Variants in CNGB1 observed in about 807,000 individuals in gnomAD.
CNGB1 encodes cyclic nucleotide gated channel subunit beta 1, also known as cyclic nucleotide-gated channel beta-1.
In CNGB1, 126 loss-of-function variants were observed where a neutral mutation model predicts 151.7. The observed-to-expected ratio is 0.83, with a 90% CI of 0.72 to 0.96. CNGB1 has a LOEUF of 0.96. Among genes scored for constraint, CNGB1 ranks in the 40% least tolerant of loss-of-function variants. The pLI is 0.00. For synonymous variants in CNGB1, 623 were observed against 635.1 expected, an observed-to-expected ratio of 0.98 and a Z score of 0.29; for missense variants, 1,698 against 1,627.0, an observed-to-expected ratio of 1.04 and a Z score of -0.75.
At chr16:57,936,804 A>T (rs1961522538) in intron 16 of CNGB1, among the ~76,000 whole-genome samples, 1 of 151,964 alleles carries the variant, frequency 6.6e-6, no homozygotes, top group Non-Finnish European at 1.5e-5. Context: ...ACAAACAAAA[A>T]AAAAACAAAA....
chr16:57,901,497 G>C (rs1444644669), intron 28 of CNGB1, 31 bp downstream of exon 28: 4 of 1,612,606 alleles, frequency 2.5e-6, no homozygotes, highest in Non-Finnish European at 3.4e-6. Context: ...GCCTCCCACA[G>C]CCCTGAGCGT....
chr16:57,927,922 A>G (rs1455236470), intron 17 of CNGB1, among the ~76,000 whole-genome samples: 1 of 152,202 alleles, frequency 6.6e-6, no homozygotes, highest in Non-Finnish European at 1.5e-5. Flanking sequence ...GGCTCAGTGA[A>G]ACTGTGTCTC....
Position 57,919,161 on chromosome 16 carries a change from C to G in CNGB1, c.1895G>C (p.Cys632Ser). 1 of 1,614,220 alleles carries G rather than the reference C, an allele frequency of 6.2e-7. No homozygotes were observed. The highest frequency in any genetic ancestry group is 8.5e-7 in the Non-Finnish European group (1 of 1,180,044). The change falls in exon 20 of 33, where the codon TGC (cysteine) becomes TCC (serine). Residue 632 changes from cysteine (C) to serine (S), a missense_variant. Physicochemically the swap from Cys to Ser is moderately radical, Grantham distance 112 (BLOSUM62 -1). Coordinates refer to ENST00000251102, the MANE Select transcript of CNGB1 (RefSeq NM_001297.5). ...CTTCCAGGGGCGGTGTTTGAACTTG[C>G]AGCAGAGCATGTCGCAATAGTGCTC... ...EEEHYCDMLCCKFKHRPWKKY... is the reference protein window; with the variant it reads ...EEEHYCDMLCSKFKHRPWKKY...
chr16:57,907,468 A>G (rs1198057904), intron 25 of CNGB1, among the ~76,000 whole-genome samples: 1 of 152,234 alleles, frequency 6.6e-6, no homozygotes, highest in East Asian at 1.9e-4. Context: ...TCCCCCTAAC[A>G]ATAGCCATAG....
At position 57,939,527 on chromosome 16, in the gene CNGB1, G is replaced by A. The variant is rs376016716; in HGVS notation, c.1275C>T (p.Ala425=). ...CAGCCTCCTCTTCAGCCACCTCCTC[G>A]GCCTCCTCCTTGGCCTTCTCTTCAG... is the stretch of plus-strand genomic sequence containing the variant. The part of the protein sequence containing the change: ...KEAEEKAKEE[A]EEVAEEEAEK... Residue 425 remains alanine, a synonymous_variant, in exon 16 of 33, where the codon GCC becomes GCT. Transcript: ENST00000251102. 36 of 1,613,834 alleles carry A rather than the reference G, an allele frequency of 2.2e-5. No homozygotes were observed. The highest frequency in any genetic ancestry group is 3.3e-4 in the Middle Eastern group (2 of 6,062).
intron 16 of CNGB1, among the ~76,000 whole-genome samples, chr16:57,939,085 A>G (rs1237700993): frequency 9.9e-5 from 15 of 151,752 alleles, no homozygotes; most frequent in Admixed American, 7.9e-4. Context: ...GGCTGGCAGG[A>G]GGGACTGGCT....
chr16:57,911,804 G>T lies in CNGB1; in HGVS notation c.2441C>A (p.Ala814Asp). 11 of 1,614,114 alleles carry T rather than the reference G, an allele frequency of 6.8e-6. No homozygotes were observed. Among genetic ancestry groups the T allele is most frequent in the Non-Finnish European group, 9.3e-6 (11 of 1,179,970 alleles). The change falls in exon 25 of 33, where the codon GCC becomes GAC. Residue 814 changes from alanine to aspartate, a missense_variant. Transcript: ENST00000251102. Reference protein sequence around the residue: ...LNSCLYYWASAYQGLGSTHWV... With the variant: ...LNSCLYYWASDYQGLGSTHWV... ...GTGAGTGGAGCCGAGGCCCTGATAG[G>T]CCGATGCCCAGTAATAAAGACAGGA...
chr16:57,958,298 G>C (rs1597011268), intron 11 of CNGB1, 112 bp downstream of exon 11: 1 of 574,104 alleles, frequency 1.7e-6, no homozygotes, highest in East Asian at 3.4e-5. Context: ...CAGACAGGAA[G>C]GCTGGGGGAG....
chr16:57,944,770 T>C (rs1961760167), intron 14 of CNGB1, among the ~76,000 whole-genome samples: 1 of 151,316 alleles, frequency 6.6e-6, no homozygotes, highest in South Asian at 2.1e-4. Context: ...GCCTGGCCAA[T>C]TTGGCAAAAC....
chr16:57,934,544 GC>G (rs1961451366), intron 16 of CNGB1, among the ~76,000 whole-genome samples: 1 of 152,230 alleles, frequency 6.6e-6, no homozygotes, highest in African/African-American at 2.4e-5. Context: ...AGCTAGATCA[GC>G]CCCCTGTGTC....
At chr16:57,897,720 A>C in intron 30 of CNGB1, 76 bp downstream of exon 30, 1 of 1,545,460 alleles carries the variant, frequency 6.5e-7, no homozygotes, top group South Asian at 1.1e-5. Flanking sequence ...AGCCGTAGAC[A>C]CTCGCACTGC....
intron 18 of CNGB1, among the ~76,000 whole-genome samples, chr16:57,922,219 G>C (rs1057283219): frequency 1.3e-5 from 2 of 152,112 alleles, no homozygotes; most frequent in Admixed American, 6.5e-5. Flanking sequence ...AAAGCCTACT[G>C]TCTCCTGTGG....
At position 57,919,220 on chromosome 16, in the gene CNGB1, G is replaced by T; in HGVS notation, c.1836C>A (p.Asp612Glu). The T allele has an allele frequency of 1.9e-6, 3 of 1,614,196 alleles. No homozygotes were observed. Among genetic ancestry groups the T allele is most frequent in the Non-Finnish European group, 2.5e-6 (3 of 1,180,030 alleles). The change falls in exon 20 of 33, where the codon GAC (aspartate) becomes GAA (glutamate). Residue 612 changes from aspartate (D) to glutamate (E), a missense_variant. Physicochemically the swap from Asp to Glu is conservative, Grantham distance 45. Coordinates refer to ENST00000251102, the MANE Select transcript of CNGB1 (RefSeq NM_001297.5). ...CTGGCTCGGCTTCAGCGGGCTTTGT[G>T]TCTGGAGCTGGCTCTGGGGCTTTCT... is the stretch of plus-strand genomic sequence containing the variant. ...PAKKAPEPAP[D>E]TKPAEAEPVE...
At position 57,957,383 on chromosome 16, in the gene CNGB1, T is replaced by C; in HGVS notation, c.838-6A>G. 1 of 1,613,898 alleles carries C rather than the reference T, an allele frequency of 6.2e-7. No homozygotes were observed. The highest frequency in any genetic ancestry group is 8.5e-7 in the Non-Finnish European group (1 of 1,179,792). Reference sequence around the variant, plus strand: ...ATCCCAGGGGAGTCAGGCTCCTGCATGGAGAGAGAAAAAAGGGAAAATCCT... The same window carrying C: ...ATCCCAGGGGAGTCAGGCTCCTGCACGGAGAGAGAAAAAAGGGAAAATCCT... On this transcript the variant is annotated splice_polypyrimidine_tract_variant and splice_region_variant and intron_variant, in intron 11 of 32. Transcript: ENST00000251102.
At chr16:57,912,865 C>T (rs568424395) in intron 24 of CNGB1, 65 bp downstream of exon 24, 153 of 1,484,628 alleles carry the variant, frequency 1.0e-4, no homozygotes, top group African/African-American at 5.0e-4. Context: ...GTGTGTATTG[C>T]GTGTGTTGTG....
In CNGB1 at chr16:57,911,756, T is replaced by C. The variant is rs376076728; in HGVS notation, c.2489A>G (p.Asn830Ser). 7.4e-6 allele frequency: 12 copies of C among 1,613,922 alleles called. No individual in the cohort carries two copies. The highest frequency in any genetic ancestry group is 1.0e-5 in the Non-Finnish European group (12 of 1,179,854). The part of the protein sequence containing the change: ...STHWVYDGVG[N>S]SYIRCYYFAV... ...CAGGGGGAGGACTGTGGCTCACCTGTTTCCCACGCCATCGTAAACCCAGTG... is the reference window on the plus strand; with the variant it reads ...CAGGGGGAGGACTGTGGCTCACCTGCTTCCCACGCCATCGTAAACCCAGTG... The change falls in exon 25 of 33, where the codon AAC becomes AGC. Residue 830 changes from asparagine to serine, a missense_variant. Asn to Ser is a conservative substitution (Grantham distance 46). Transcript: ENST00000251102.
Position 57,903,809 on chromosome 16 carries a change from G to T in CNGB1, c.2794+13C>A. 6.2e-7 allele frequency: 1 copy of T among 1,613,904 alleles called. No individual in the cohort carries two copies. The highest frequency in any genetic ancestry group is 8.5e-7 in the Non-Finnish European group (1 of 1,179,986). ...ACTGGGAGCTGGTGGCTGCCAGGGC[G>T]TGACCATCTTACCCAGCATGCCTTG... On this transcript the variant is annotated intron_variant, in intron 27 of 32. Coordinates refer to ENST00000251102, the MANE Select transcript of CNGB1 (RefSeq NM_001297.5).
chr16:57,932,365 G>A (rs980856745), intron 16 of CNGB1, among the ~76,000 whole-genome samples: 1 of 151,500 alleles, frequency 6.6e-6, no homozygotes, highest in Admixed American at 6.6e-5. Flanking sequence ...GTGGGGAGGA[G>A]CCAGAAGGCA....
chr16:57,901,139 T>C (rs1180796053), intron 29 of CNGB1, among the ~76,000 whole-genome samples: 1 of 152,106 alleles, frequency 6.6e-6, no homozygotes, highest in Non-Finnish European at 1.5e-5. Context: ...CCGAGGCACA[T>C]GTGTGTTGAC....
Sources: gnomAD v4.1 joint callset for allele counts (sites outside exome capture counted in the v4.1 genomes callset) on GRCh38, gnomAD v4.1.1 for gene constraint, MANE v1.5 for transcripts, NCBI Gene and HGNC (gene_info 2026-07-23, HGNC 2026-07-21) for gene names.